PCDHGA10: variants seen among roughly 807,000 people sequenced by gnomAD.
PCDHGA10 encodes the protein protocadherin gamma subfamily A, 10.
PCDHGA10 carries 42 observed loss-of-function variants against 59.5 expected under a neutral mutation model. That is an observed-to-expected ratio of 0.71 (90% CI 0.55 to 0.91). The LOEUF (loss-of-function observed/expected upper bound fraction) is 0.91. Among genes scored for constraint, PCDHGA10 ranks in the 40% least tolerant of loss-of-function variants. PCDHGA10 has a pLI of 0.00. For synonymous variants in PCDHGA10, 511 were observed against 517.2 expected, an observed-to-expected ratio of 0.99 and a Z score of 0.16; for missense variants, 1,111 against 1,198.2, an observed-to-expected ratio of 0.93 and a Z score of 1.07.
Position 141,418,471 on chromosome 5 carries a change from G to T in PCDHGA10, c.2436+2860G>T, listed in dbSNP as rs199547102. 57 of 1,614,002 alleles carry T rather than the reference G, an allele frequency of 3.5e-5. No homozygotes were observed. In the African/African-American group the frequency reaches 5.7e-4, roughly 16 times the overall value. ...TGCAGAAGACTCTGGACCGAGAAACGCAGAGCGCTCACCACTTGGTACTGA... is the reference window on the plus strand; with the variant it reads ...TGCAGAAGACTCTGGACCGAGAAACTCAGAGCGCTCACCACTTGGTACTGA... On this transcript the variant is annotated intron_variant, in intron 1 of 3. Coordinates refer to ENST00000398610, the MANE Select transcript of PCDHGA10 (RefSeq NM_018913.3).
At chr5:141,465,945 AC>A (rs761290693) in intron 1 of PCDHGA10, among the ~76,000 whole-genome samples, 7 of 151,958 alleles carry the variant, frequency 4.6e-5, no homozygotes, top group Non-Finnish European at 5.9e-5. Context: ...ACATGGTGAA[AC>A]CCCATCTCTA....
At position 141,431,493 on chromosome 5, in the gene PCDHGA10, C is replaced by G. The variant is rs1281626711; in HGVS notation, c.2436+15882C>G. On this transcript the variant is annotated intron_variant, in intron 1 of 3. Transcript: ENST00000398610. The surrounding 1 kb of genome is among the most constrained non-coding windows in gnomAD (Gnocchi z 4.8). ...GACAACGCACCAGCGTTTGCTCAGC[C>G]CGAGTACCGCGCGAGCGTTCCGGAG... 1 of 1,613,994 alleles carries G rather than the reference C, an allele frequency of 6.2e-7. No individual in the cohort carries two copies. The highest frequency in any genetic ancestry group is 8.5e-7 in the Non-Finnish European group (1 of 1,180,042).
Position 141,512,106 on chromosome 5 carries a change from T to A in PCDHGA10, c.*933T>A, listed in dbSNP as rs2099884076. 6.6e-6 allele frequency: 1 copy of A among 152,630 alleles called. No homozygotes were observed. Among genetic ancestry groups the A allele is most frequent in the Non-Finnish European group, 1.5e-5 (1 of 68,060 alleles). 9.5% of individuals were successfully genotyped at this position (152,630 alleles called of 1,614,324 possible). On this transcript the variant is annotated 3_prime_UTR_variant, in exon 4 of 4. Transcript: ENST00000398610. ...TAAACCAATAACTAGGCTGGACCCT[T>A]CCCACTACATAATAGGGCTCAGCCC...
At chr5:141,443,321 A>AC (rs1175439570) in intron 1 of PCDHGA10, among the ~76,000 whole-genome samples, 1 of 151,616 alleles carries the variant, frequency 6.6e-6, no homozygotes, top group African/African-American at 2.4e-5. Flanking sequence ...TCTCTACAAA[A>AC]AAAAAAAACA....
intron 1 of PCDHGA10, among the ~76,000 whole-genome samples, chr5:141,459,461 G>A (rs1217201752): frequency 6.6e-6 from 1 of 152,214 alleles, no homozygotes; most frequent in Non-Finnish European, 1.5e-5. Flanking sequence ...GGACATTTGA[G>A]TTGTGTCCAG....
At position 141,490,276 on chromosome 5, in the gene PCDHGA10, A is replaced by T; in HGVS notation, c.2437-4531A>T. 1 of 1,614,236 alleles carries T rather than the reference A, an allele frequency of 6.2e-7. No individual in the cohort carries two copies. Among genetic ancestry groups the T allele is most frequent in the Non-Finnish European group, 8.5e-7 (1 of 1,180,036 alleles). On this transcript the variant is annotated intron_variant, in intron 1 of 3. Transcript: ENST00000398610. This position sits in a 1 kb window ranked among gnomAD's most constrained non-coding sequence, Gnocchi z 5.4. ...AGTGGATGTGGGGGATGTCAATGACAATGCCCCAGAGGTGCTATTGGCCTC... is the reference window on the plus strand; with the variant it reads ...AGTGGATGTGGGGGATGTCAATGACTATGCCCCAGAGGTGCTATTGGCCTC...
chr5:141,507,810 G>A (rs550331241), intron 3 of PCDHGA10, among the ~76,000 whole-genome samples: 1 of 152,290 alleles, frequency 6.6e-6, no homozygotes, highest in African/African-American at 2.4e-5. Context: ...CCTGGGGAAC[G>A]GACCCTGGGG....
In PCDHGA10 at chr5:141,485,770, T is replaced by A. The variant is rs1199757869; in HGVS notation, c.2437-9037T>A. The A allele has an allele frequency of 6.2e-7, 1 of 1,614,180 alleles. No homozygotes were observed. The highest frequency in any genetic ancestry group is 1.1e-5 in the South Asian group (1 of 91,080). On this transcript the variant is annotated intron_variant, in intron 1 of 3. Transcript: ENST00000398610. This position sits in a 1 kb window ranked among gnomAD's most constrained non-coding sequence, Gnocchi z 5.7. ...TCCCAGAGCTGCTCCTGGAGAAGCC[T>A]TTGGATCGAGAGAAGCAATCGGACT... is the stretch of plus-strand genomic sequence containing the variant.
At chr5:141,504,462 G>A (rs1375731108) in intron 2 of PCDHGA10, among the ~76,000 whole-genome samples, 5 of 152,074 alleles carry the variant, frequency 3.3e-5, no homozygotes, top group African/African-American at 9.7e-5. Flanking sequence ...TGGGGCAGCC[G>A]CTGGGATGGG....
chr5:141,507,632 G>A (rs551849213), intron 3 of PCDHGA10, among the ~76,000 whole-genome samples: 6 of 152,360 alleles, frequency 3.9e-5, no homozygotes, highest in Non-Finnish European at 7.3e-5. Flanking sequence ...GTGGCCTTGC[G>A]CCCTGAGGCC....
chr5:141,505,338 G>T, intron 2 of PCDHGA10, 55 bp from the exon 3 acceptor site: 1 of 1,612,254 alleles, frequency 6.2e-7, no homozygotes, highest in South Asian at 1.1e-5. Flanking sequence ...GGACAGGAGG[G>T]GCATGAGCTG....
rs762476625 is a variant in PCDHGA10 at position 141,420,218 on chromosome 5, C to A, written c.2436+4607C>A. On this transcript the variant is annotated intron_variant, in intron 1 of 3. Coordinates refer to ENST00000398610, the MANE Select transcript of PCDHGA10 (RefSeq NM_018913.3). The stretch of plus-strand genomic sequence containing the variant: ...AGATAACCTCAACAAAGATAGCATG[C>A]TACTGGCTAGCATTTTAACTCCCAG... 4 of 1,608,408 alleles carry A rather than the reference C, an allele frequency of 2.5e-6. No individual in the cohort carries two copies. In the South Asian group the frequency reaches 4.4e-5, roughly 18 times the overall value.
Position 141,486,230 on chromosome 5 carries a change from A to C in PCDHGA10, c.2437-8577A>C. On this transcript the variant is annotated intron_variant, in intron 1 of 3. Coordinates refer to ENST00000398610, the MANE Select transcript of PCDHGA10 (RefSeq NM_018913.3). The surrounding 1 kb of genome is among the most constrained non-coding windows in gnomAD (Gnocchi z 5.0). ...TGACAATGCCCCTTACATCACAGTGACCTCAGAGCTTGGAACCCTCCCCGA... is the reference window on the plus strand; with the variant it reads ...TGACAATGCCCCTTACATCACAGTGCCCTCAGAGCTTGGAACCCTCCCCGA... The C allele has an allele frequency of 6.2e-7, 1 of 1,614,016 alleles. No individual in the cohort carries two copies. Among genetic ancestry groups the C allele is most frequent in the Non-Finnish European group, 8.5e-7 (1 of 1,179,964 alleles).
intron 1 of PCDHGA10, chr5:141,419,465 G>A (rs568864628): frequency 1.9e-6 from 3 of 1,612,544 alleles, no homozygotes; most frequent in South Asian, 1.1e-5. Context: ...GCAGGCCCGC[G>A]ACCAGGGCTC....
chr5:141,494,510 C>T (rs1462702765), intron 1 of PCDHGA10, among the ~76,000 whole-genome samples: 1 of 152,156 alleles, frequency 6.6e-6, no homozygotes, highest in Non-Finnish European at 1.5e-5. Context: ...TGAATTTTGG[C>T]TCAGGAGTTC....
At chr5:141,420,748 C>G (rs2096523185) in intron 1 of PCDHGA10, among the ~76,000 whole-genome samples, 1 of 152,214 alleles carries the variant, frequency 6.6e-6, no homozygotes, top group Non-Finnish European at 1.5e-5. Context: ...TTGGAACCAA[C>G]TACAACCTAC....
Position 141,416,159 on chromosome 5 carries a change from T to C in PCDHGA10, c.2436+548T>C, listed in dbSNP as rs116406525. ...CTATACTTTGTGGTGATAGTTGCAG[T>C]TGAATATACTAAGTTTTTCATTAAT... On this transcript the variant is annotated intron_variant, in intron 1 of 3. Transcript: ENST00000398610. 1,471 of 153,024 alleles carry C rather than the reference T, an allele frequency of 9.6e-3. 10 individuals carry two copies. Among genetic ancestry groups the C allele is most frequent in the Non-Finnish European group, 0.015 (1,026 of 68,518 alleles). 9.5% of individuals were successfully genotyped at this position (153,024 alleles called of 1,614,324 possible).
At position 141,487,710 on chromosome 5, in the gene PCDHGA10, G is replaced by A. The variant is rs199722860; in HGVS notation, c.2437-7097G>A. ...CTAGAGAGTACTGGCCTCTCAGTAA[G>A]TGCCCATAGTGATGTCACCATTTTT... On this transcript the variant is annotated intron_variant, in intron 1 of 3. Transcript: ENST00000398610. The surrounding 1 kb of genome is among the most constrained non-coding windows in gnomAD (Gnocchi z 5.0). 3.8e-4 allele frequency: 596 copies of A among 1,586,168 alleles called. No individual in the cohort carries two copies. The highest frequency in any genetic ancestry group is 4.5e-4 in the Non-Finnish European group (529 of 1,164,386).
intron 1 of PCDHGA10, among the ~76,000 whole-genome samples, chr5:141,472,039 A>T (rs913132856): frequency 1.3e-5 from 2 of 152,200 alleles, no homozygotes; most frequent in Non-Finnish European, 2.9e-5. Context: ...AGCTGTGAAA[A>T]GATTTTAAAA....
Sources: gnomAD v4.1 joint callset for allele counts (sites outside exome capture counted in the v4.1 genomes callset) on GRCh38, gnomAD v4.1.1 for gene constraint, Gnocchi (gnomAD v3.1) non-coding constraint, MANE v1.5 for transcripts, NCBI Gene and HGNC (gene_info 2026-07-23, HGNC 2026-07-21) for gene names.